The following CDH11 variants were observed in gnomAD, a reference collection of about 807,000 sequenced individuals.
CDH11 encodes the protein cadherin 11.
CDH11 carries 11 observed loss-of-function variants against 67.8 expected under a neutral mutation model. The ratio of observed to expected loss-of-function variants is 0.16; its 90% confidence interval spans 0.10 to 0.27. CDH11 has a LOEUF of 0.27. Among genes scored for constraint, CDH11 ranks in the 10% least tolerant of loss-of-function variants. The pLI, the probability that CDH11 is intolerant of heterozygous loss-of-function variation, is 1.00. For synonymous variants in CDH11, 419 were observed against 400.0 expected, an observed-to-expected ratio of 1.05 and a Z score of -0.57; for missense variants, 847 against 1,031.2, an observed-to-expected ratio of 0.82 and a Z score of 2.45.
Position 65,053,790 on chromosome 16 carries a change from T to TA in CDH11, c.-173+13_-173+14insT, listed in dbSNP as rs1347450222. 6.8e-5 allele frequency: 31 copies of TA among 456,014 alleles called. No individual in the cohort carries two copies. Among genetic ancestry groups the TA allele is most frequent in the Non-Finnish European group, 1.3e-4 (30 of 226,764 alleles). The allele number at this position is 456,014 out of a possible 1,614,324, so 28.2% of individuals were successfully genotyped here. On this transcript the variant is annotated intron_variant, in intron 2 of 12. Transcript: ENST00000268603. ...GTAATATGTGAATTGTTCAGTAATA[T>TA]TAGTCCAACTTACCTTCTTCACCCA...
At chr16:65,061,185 G>A (rs1237271730) in intron 1 of CDH11, among the ~76,000 whole-genome samples, 1 of 152,204 alleles carries the variant, frequency 6.6e-6, no homozygotes, top group Non-Finnish European at 1.5e-5. Flanking sequence ...AGGAAGCTGT[G>A]AGCTATTTGA....
chr16:65,090,954 A>ATAAAATT (rs2074782965), intron 1 of CDH11, among the ~76,000 whole-genome samples: 1 of 152,214 alleles, frequency 6.6e-6, no homozygotes, highest in Admixed American at 6.5e-5. Context: ...TTGAAAATGA[A>ATAAAATT]TAAAATTTAA....
At chr16:65,113,084 G>A (rs550422020) in intron 1 of CDH11, among the ~76,000 whole-genome samples, 9 of 152,110 alleles carry the variant, frequency 5.9e-5, no homozygotes, top group Non-Finnish European at 1.2e-4. Context: ...TCAGAATTTC[G>A]AGATAAGCTT....
chr16:64,944,941 C>T lies in CDH11; in HGVS notation c.*2662G>A, dbSNP rs35149. 47,951 of 215,446 alleles carry T rather than the reference C, an allele frequency of 0.22. 5,863 individuals carry two copies. Among genetic ancestry groups the T allele is most frequent in the Non-Finnish European group, 0.28 (29,536 of 106,918 alleles). The allele number at this position is 215,446 out of a possible 1,614,324, so 13.3% of individuals were successfully genotyped here. On this transcript the variant is annotated 3_prime_UTR_variant, in exon 13 of 13. Coordinates refer to ENST00000268603, the MANE Select transcript of CDH11 (RefSeq NM_001797.4). ...ACAAGGTGGATACTTTGGTACAGGG[C>T]TGAATTATCAAAAGATGTCAGAAAA...
chr16:65,012,970 T>C (rs78649400), intron 2 of CDH11, among the ~76,000 whole-genome samples: 6 of 152,312 alleles, frequency 3.9e-5, no homozygotes, highest in Admixed American at 6.5e-5. Context: ...TATTGAACCA[T>C]AGTGCAAACT....
At chr16:65,067,554 C>T (rs189425189) in intron 1 of CDH11, among the ~76,000 whole-genome samples, 2 of 152,202 alleles carry the variant, frequency 1.3e-5, no homozygotes, top group Admixed American at 1.3e-4. Context: ...GTTTTGTCTT[C>T]TTTATTGCTC....
chr16:65,092,014 C>T (rs1597183358), intron 1 of CDH11, among the ~76,000 whole-genome samples: 1 of 152,260 alleles, frequency 6.6e-6, no homozygotes, highest in South Asian at 2.1e-4. Context: ...TTTCACCTCT[C>T]ATTTTATTAC....
intron 6 of CDH11, among the ~76,000 whole-genome samples, chr16:64,989,858 C>G (rs1040582080): frequency 6.6e-6 from 1 of 152,172 alleles, no homozygotes; most frequent in Admixed American, 6.5e-5. Context: ...GGGCAAGTTA[C>G]TTCAGCTCAT....
intron 2 of CDH11, among the ~76,000 whole-genome samples, chr16:65,017,723 T>C (rs1307453586): frequency 6.6e-6 from 1 of 152,122 alleles, no homozygotes; most frequent in African/African-American, 2.4e-5. Flanking sequence ...ATTAGAATAC[T>C]CAACTAGATC....
chr16:64,988,404 G>T, intron 6 of CDH11, 60 bp from the exon 7 acceptor site: 1 of 1,375,836 alleles, frequency 7.3e-7, no homozygotes, highest in Non-Finnish European at 9.9e-7. Flanking sequence ...TAAGACTATA[G>T]ATTTCATTGA....
intron 11 of CDH11, among the ~76,000 whole-genome samples, chr16:64,961,790 C>G (rs899911027): frequency 2.6e-5 from 4 of 151,930 alleles, no homozygotes; most frequent in Non-Finnish European, 5.9e-5. Flanking sequence ...GTCACTAGGC[C>G]AGCAGACAAA....
At position 64,991,960 on chromosome 16, in the gene CDH11, A is replaced by G. The variant is rs201506118; in HGVS notation, c.644-25T>C. The stretch of plus-strand genomic sequence containing the variant: ...CCTGGACAGGTAAGCAGGCAACATC[A>G]CAGATATTCGTTTATAACATTATGA... On this transcript the variant is annotated intron_variant, in intron 5 of 12. Transcript: ENST00000268603. The G allele has an allele frequency of 1.5e-3, 2,320 of 1,537,428 alleles. 1 individual carries two copies. The highest frequency in any genetic ancestry group is 2.0e-3 in the Non-Finnish European group (2,211 of 1,123,072).
rs1158099220 is a variant in CDH11, at chr16:65,121,747, C to G, written c.-298+133G>C. On this transcript the variant is annotated intron_variant, in intron 1 of 12. Coordinates refer to ENST00000268603, the MANE Select transcript of CDH11 (RefSeq NM_001797.4). The surrounding 1 kb of genome is among the most constrained non-coding windows in gnomAD (Gnocchi z 4.1). ...TCCCTTTTGCTTTGCGTTAGTGAAG[C>G]CTTCTCGACTCAGATACCACCGTCC... 8.7e-6 allele frequency: 6 copies of G among 686,024 alleles called. No individual in the cohort carries two copies. Among genetic ancestry groups the G allele is most frequent in the East Asian group, 2.7e-5 (1 of 37,080 alleles). 42.5% of individuals were successfully genotyped at this position (686,024 alleles called of 1,614,324 possible).
At chr16:64,998,508 C>A in intron 4 of CDH11, 54 bp downstream of exon 4, 1 of 1,551,770 alleles carries the variant, frequency 6.4e-7, no homozygotes, top group Non-Finnish European at 8.8e-7. Context: ...TCAGCCCACC[C>A]ACCACAGAGA....
At chr16:65,038,910 G>T (rs1314901349) in intron 2 of CDH11, among the ~76,000 whole-genome samples, 2 of 152,310 alleles carry the variant, frequency 1.3e-5, no homozygotes, top group Admixed American at 6.5e-5. Context: ...TGAGAGAAAA[G>T]AAGTGAGGAC....
intron 2 of CDH11, among the ~76,000 whole-genome samples, chr16:65,019,760 CT>C (rs1024394467): frequency 6.6e-6 from 1 of 151,760 alleles, no homozygotes; most frequent in African/African-American, 2.4e-5. Flanking sequence ...GAATAATATC[CT>C]TTTAATTTTA....
intron 10 of CDH11, 25 bp downstream of exon 10, chr16:64,971,906 C>G: frequency 6.2e-7 from 1 of 1,612,758 alleles, no homozygotes; most frequent in Non-Finnish European, 8.5e-7. Flanking sequence ...TTGTTCCTAG[C>G]CAAGAATAGG....
chr16:65,044,613 T>C (rs924924412), intron 2 of CDH11, among the ~76,000 whole-genome samples: 1 of 152,050 alleles, frequency 6.6e-6, no homozygotes, highest in African/African-American at 2.4e-5. Flanking sequence ...GAGAAGATGC[T>C]TCTCTGCTCA....
intron 2 of CDH11, among the ~76,000 whole-genome samples, chr16:65,015,520 G>C (rs1046504581): frequency 1.3e-5 from 2 of 151,830 alleles, no homozygotes; most frequent in Non-Finnish European, 2.9e-5. Flanking sequence ...GAAGCATCAA[G>C]AGGAAAAAGA....
Sources: allele counts gnomAD v4.1 joint callset (sites outside exome capture counted in the v4.1 genomes callset), GRCh38; gene constraint gnomAD v4.1.1; non-coding constraint Gnocchi (gnomAD v3.1); transcripts MANE v1.5; gene names NCBI Gene and HGNC (gene_info 2026-07-23, HGNC 2026-07-21).